The following ATRNL1 variants were observed in gnomAD, a reference collection of about 807,000 sequenced individuals.
The protein encoded by ATRNL1 is attractin like 1.
In ATRNL1, 95 loss-of-function variants were observed where a neutral mutation model predicts 182.7. That is an observed-to-expected ratio of 0.52 (90% CI 0.44 to 0.62). ATRNL1 has a LOEUF of 0.62. Among genes scored for constraint, ATRNL1 ranks in the 20% least tolerant of loss-of-function variants. The pLI is 0.00. For missense variants in ATRNL1, 1,471 were observed against 1,679.5 expected (o/e 0.88, Z 2.17); for synonymous variants, 576 against 568.3 (o/e 1.01, Z -0.19).
chr10:115,841,371 A>G (rs941081135), intron 27 of ATRNL1, among the ~76,000 whole-genome samples: 1 of 152,080 alleles, frequency 6.6e-6, no homozygotes, highest in Non-Finnish European at 1.5e-5. Flanking sequence ...ATCCTTAAAT[A>G]TGGGTACATA....
intron 21 of ATRNL1, among the ~76,000 whole-genome samples, chr10:115,433,252 A>C (rs1846250258): frequency 6.6e-6 from 1 of 152,136 alleles, no homozygotes; most frequent in Non-Finnish European, 1.5e-5. Context: ...AATTACTTAA[A>C]ATAGTATGTC....
chr10:115,837,767 G>C (rs1950713430), intron 27 of ATRNL1, among the ~76,000 whole-genome samples: 1 of 152,138 alleles, frequency 6.6e-6, no homozygotes, highest in Admixed American at 6.6e-5. Flanking sequence ...CCAAGCCAGA[G>C]AGAATGACTT....
At chr10:115,834,221 T>C (rs1042905630) in intron 27 of ATRNL1, among the ~76,000 whole-genome samples, 2 of 152,222 alleles carry the variant, frequency 1.3e-5, no homozygotes, top group Non-Finnish European at 2.9e-5. Flanking sequence ...CTTATTCTAC[T>C]GGCATCCCAT....
At chr10:115,244,559 G>T (rs1850551597) in intron 10 of ATRNL1, among the ~76,000 whole-genome samples, 3 of 152,294 alleles carry the variant, frequency 2.0e-5, no homozygotes, top group South Asian at 4.1e-4. Context: ...AATAAGATAG[G>T]TTGAGTATAA....
In ATRNL1 at chr10:115,572,825, C is replaced by A. The variant is rs74158375; in HGVS notation, c.3795+23289C>A. ...TTTGAAATGGGAGAGTTCCCTGATT[C>A]CCCTTGCAGGACATATGATTGGGGT... On this transcript the variant is annotated intron_variant, in intron 26 of 28. Coordinates refer to ENST00000355044, the MANE Select transcript of ATRNL1 (RefSeq NM_207303.4). Among the ~76,000 whole-genome samples, 1,160 of 152,220 alleles carry A rather than the reference C, an allele frequency of 7.6e-3. 11 individuals carry two copies. The highest frequency in any genetic ancestry group is 0.027 in the African/African-American group (1,109 of 41,516).
chr10:115,711,309 T>C (rs1231582024), intron 26 of ATRNL1, among the ~76,000 whole-genome samples: 3 of 152,098 alleles, frequency 2.0e-5, no homozygotes, highest in Admixed American at 1.3e-4. Flanking sequence ...GATAAGAAGT[T>C]ATGAGAGACA....
intron 3 of ATRNL1, among the ~76,000 whole-genome samples, chr10:115,122,171 G>T (rs565899302): frequency 1.9e-3 from 294 of 151,120 alleles, no homozygotes; most frequent in African/African-American, 6.8e-3. Context: ...TTTAATAGTT[G>T]TTTTTTTATT....
chr10:115,317,762 C>T (rs896204277), intron 18 of ATRNL1, among the ~76,000 whole-genome samples: 11 of 152,152 alleles, frequency 7.2e-5, no homozygotes, highest in African/African-American at 2.7e-4. Context: ...TGAGACTTTG[C>T]TGAAGTTGAT....
intron 10 of ATRNL1, among the ~76,000 whole-genome samples, chr10:115,248,750 G>T (rs1204028552): frequency 1.3e-5 from 2 of 152,040 alleles, no homozygotes; most frequent in Admixed American, 1.3e-4. Flanking sequence ...AATATTAAAA[G>T]AAGTTTTGAA....
intron 26 of ATRNL1, among the ~76,000 whole-genome samples, chr10:115,651,466 T>A (rs1859997005): frequency 6.6e-6 from 1 of 152,172 alleles, no homozygotes; most frequent in African/African-American, 2.4e-5. Context: ...AGTCATTTCC[T>A]TTTACTGCTT....
chr10:115,812,836 A>G (rs2134260861), intron 27 of ATRNL1, among the ~76,000 whole-genome samples: 1 of 152,100 alleles, frequency 6.6e-6, no homozygotes, highest in Middle Eastern at 3.4e-3. Flanking sequence ...ATCTCAGTAA[A>G]ATTGTATTCC....
At chr10:115,587,161 G>A (rs1360237890) in intron 26 of ATRNL1, among the ~76,000 whole-genome samples, 7 of 148,902 alleles carry the variant, frequency 4.7e-5, no homozygotes, top group South Asian at 2.2e-4. Context: ...CTTCAAAGCT[G>A]TCAGACAGGG....
intron 10 of ATRNL1, among the ~76,000 whole-genome samples, chr10:115,242,912 T>C (rs1554903284): frequency 1.3e-5 from 2 of 152,070 alleles, no homozygotes; most frequent in African/African-American, 4.8e-5. Flanking sequence ...TCATGAATCA[T>C]TGTTTGAAAT....
At chr10:115,807,952 C>A (rs1210765807) in intron 27 of ATRNL1, among the ~76,000 whole-genome samples, 1 of 152,164 alleles carries the variant, frequency 6.6e-6, no homozygotes, top group African/African-American at 2.4e-5. Context: ...GTTTCTCTTA[C>A]AATTACAGCC....
chr10:115,497,931 C>T (rs1849635202), intron 24 of ATRNL1, among the ~76,000 whole-genome samples: 1 of 152,158 alleles, frequency 6.6e-6, no homozygotes, highest in Admixed American at 6.5e-5. Context: ...GCTGAGATTA[C>T]AGGCGTGAGG....
At chr10:115,407,550 G>A (rs113021729) in intron 20 of ATRNL1, among the ~76,000 whole-genome samples, 26 of 151,852 alleles carry the variant, frequency 1.7e-4, no homozygotes, top group African/African-American at 5.8e-4. Context: ...ATGTTGCCAC[G>A]AACGACAGGA....
At chr10:115,276,768 C>T (rs1244542093) in intron 13 of ATRNL1, among the ~76,000 whole-genome samples, 1 of 152,130 alleles carries the variant, frequency 6.6e-6, no homozygotes, top group African/African-American at 2.4e-5. Flanking sequence ...GTGTCTGGTT[C>T]ATTAGGCCAA....
chr10:115,742,902 G>A (rs974848384), intron 27 of ATRNL1, among the ~76,000 whole-genome samples: 10 of 152,096 alleles, frequency 6.6e-5, no homozygotes, highest in Non-Finnish European at 1.0e-4. Flanking sequence ...ATTTACAAAG[G>A]AAAGAGGTTT....
chr10:115,944,639 C>T lies in ATRNL1; in HGVS notation c.4019-19C>T, dbSNP rs1555125025. The T allele has an allele frequency of 1.3e-6, 2 of 1,589,384 alleles. No individual in the cohort carries two copies. Among genetic ancestry groups the T allele is most frequent in the Non-Finnish European group, 1.7e-6 (2 of 1,166,630 alleles). On this transcript the variant is annotated intron_variant, in intron 28 of 28. Transcript: ENST00000355044. ...AAATGTCTAAGCAAGCATTTAAATG[C>T]TTTTCTCTTTCCTTCCAGGCCTTGC...
Sources: allele counts gnomAD v4.1 joint callset (sites outside exome capture counted in the v4.1 genomes callset), GRCh38; gene constraint gnomAD v4.1.1; transcripts MANE v1.5; gene names NCBI Gene and HGNC (gene_info 2026-07-23, HGNC 2026-07-21).